GALNTL6: variants seen among roughly 807,000 people sequenced by gnomAD.
GALNTL6 encodes the protein polypeptide N-acetylgalactosaminyltransferase like 6.
A neutral mutation model predicts 73.7 loss-of-function variants in GALNTL6; 46 were observed. The ratio of observed to expected loss-of-function variants is 0.62; its 90% CI spans 0.49 to 0.80. The LOEUF (loss-of-function observed/expected upper bound fraction) is 0.80, where lower values mean the gene tolerates loss of function less well. Ranked by LOEUF, GALNTL6 falls within the 30% of genes least tolerant of loss-of-function variation. The pLI, the probability that GALNTL6 is intolerant of heterozygous loss-of-function variation, is 0.00. For synonymous variants in GALNTL6, 259 were observed against 263.7 expected, an observed-to-expected ratio of 0.98 and a Z score of 0.17; for missense variants, 604 against 755.0, an observed-to-expected ratio of 0.80 and a Z score of 2.34.
chr4:172,662,140 G>T (rs1731409584), intron 5 of GALNTL6, among the ~76,000 whole-genome samples: 1 of 151,914 alleles, frequency 6.6e-6, no homozygotes, highest in Admixed American at 6.6e-5. Context: ...AGAAGCAGCT[G>T]GCTTAAGGGA....
intron 2 of GALNTL6, among the ~76,000 whole-genome samples, chr4:171,977,206 G>C (rs113841074): frequency 0.056 from 8,478 of 152,074 alleles, 607 homozygotes; most frequent in African/African-American, 0.16. Context: ...TTTATGCTGT[G>C]ACTTAAAGAG....
intron 7 of GALNTL6, among the ~76,000 whole-genome samples, chr4:172,866,311 G>A (rs1744660458): frequency 6.6e-6 from 1 of 152,194 alleles, no homozygotes; most frequent in South Asian, 2.1e-4. Flanking sequence ...GAGGTGGGGA[G>A]AAAGAGAGAG....
intron 5 of GALNTL6, among the ~76,000 whole-genome samples, chr4:172,632,053 T>C (rs1739418372): frequency 6.6e-6 from 1 of 152,218 alleles, no homozygotes; most frequent in Non-Finnish European, 1.5e-5. Context: ...TGTGACTTTG[T>C]TCCTCTTTTG....
intron 2 of GALNTL6, among the ~76,000 whole-genome samples, chr4:171,995,861 C>T (rs1041568349): frequency 2.6e-5 from 4 of 152,014 alleles, no homozygotes; most frequent in Non-Finnish European, 5.9e-5. Flanking sequence ...ATGTGCTACA[C>T]ATTACAGTTT....
intron 3 of GALNTL6, among the ~76,000 whole-genome samples, chr4:172,255,486 C>T (rs866942931): frequency 6.6e-6 from 1 of 151,392 alleles, no homozygotes; most frequent in Non-Finnish European, 1.5e-5. Context: ...ACAAGTTGGG[C>T]CTTTACTCCA....
At chr4:171,849,028 G>C (rs1209475696) in intron 2 of GALNTL6, among the ~76,000 whole-genome samples, 1 of 152,072 alleles carries the variant, frequency 6.6e-6, no homozygotes, top group Non-Finnish European at 1.5e-5. Flanking sequence ...ACCATCGCCT[G>C]AATAGTGTAC....
At chr4:172,595,846 T>A (rs1208677281) in intron 5 of GALNTL6, among the ~76,000 whole-genome samples, 1 of 152,092 alleles carries the variant, frequency 6.6e-6, no homozygotes, top group African/African-American at 2.4e-5. Flanking sequence ...CCCTGACAAA[T>A]TGGAACAATT....
chr4:171,866,015 G>A (rs556054956), intron 2 of GALNTL6, among the ~76,000 whole-genome samples: 1 of 152,066 alleles, frequency 6.6e-6, no homozygotes, highest in African/African-American at 2.4e-5. Flanking sequence ...ATATAAAAAA[G>A]GCTGTTTTCC....
chr4:172,095,007 C>T (rs1292743064), intron 2 of GALNTL6, among the ~76,000 whole-genome samples: 1 of 129,878 alleles, frequency 7.7e-6, no homozygotes, highest in African/African-American at 2.8e-5. Flanking sequence ...TTTATGTTTT[C>T]AAAAAAAAAA....
At chr4:172,955,993 C>T (rs1749729848) in intron 10 of GALNTL6, among the ~76,000 whole-genome samples, 1 of 152,138 alleles carries the variant, frequency 6.6e-6, no homozygotes, top group African/African-American at 2.4e-5. Context: ...AAGGCAGGAA[C>T]CAGCCATCTG....
chr4:172,907,118 A>G (rs1349342691), intron 8 of GALNTL6, among the ~76,000 whole-genome samples: 11 of 151,950 alleles, frequency 7.2e-5, no homozygotes, highest in African/African-American at 2.4e-4. Context: ...GGAGAAAATC[A>G]TTAACAATCT....
chr4:172,969,074 C>A (rs1162992043), intron 10 of GALNTL6, among the ~76,000 whole-genome samples: 3 of 151,992 alleles, frequency 2.0e-5, no homozygotes, highest in African/African-American at 7.2e-5. Context: ...CTTGAAAGAA[C>A]CATACAAATC....
intron 2 of GALNTL6, among the ~76,000 whole-genome samples, chr4:172,179,155 A>G (rs1311587318): frequency 2.0e-5 from 3 of 146,812 alleles, no homozygotes; most frequent in Non-Finnish European, 4.5e-5. Flanking sequence ...ATTTATAGTC[A>G]TTTGGGTATA....
intron 5 of GALNTL6, among the ~76,000 whole-genome samples, chr4:172,655,682 A>G (rs866916649): frequency 7.2e-5 from 11 of 152,208 alleles, no homozygotes; most frequent in Admixed American, 3.3e-4. Context: ...CAAATTTTCT[A>G]CATTATAATT....
intron 5 of GALNTL6, among the ~76,000 whole-genome samples, chr4:172,802,947 C>CT (rs1317473901): frequency 2.0e-5 from 3 of 152,174 alleles, no homozygotes; most frequent in Admixed American, 6.5e-5. Flanking sequence ...AAGTTAATGA[C>CT]TTACGTTTTT....
chr4:172,439,093 C>A (rs550997360), intron 5 of GALNTL6, among the ~76,000 whole-genome samples: 3 of 151,838 alleles, frequency 2.0e-5, no homozygotes, highest in African/African-American at 7.2e-5. Context: ...ATTATACTAA[C>A]ATGCTTTTAT....
intron 7 of GALNTL6, among the ~76,000 whole-genome samples, chr4:172,872,864 T>A (rs954805375): frequency 2.6e-4 from 39 of 152,316 alleles, no homozygotes; most frequent in African/African-American, 9.4e-4. Context: ...GCCAATTTTA[T>A]CTCTTAAATA....
At chr4:172,060,554 T>A (rs1731168550) in intron 2 of GALNTL6, among the ~76,000 whole-genome samples, 1 of 152,096 alleles carries the variant, frequency 6.6e-6, no homozygotes, top group Non-Finnish European at 1.5e-5. Context: ...AATAAAACAT[T>A]TTATTTCTCT....
At chr4:172,830,240 T>C (rs1742550259) in intron 7 of GALNTL6, among the ~76,000 whole-genome samples, 1 of 152,166 alleles carries the variant, frequency 6.6e-6, no homozygotes, top group African/African-American at 2.4e-5. Context: ...AGGGCCAAAC[T>C]TTACAGTTTG....
Sources: allele counts gnomAD v4.1 joint callset (sites outside exome capture counted in the v4.1 genomes callset), GRCh38; gene constraint gnomAD v4.1.1; transcripts MANE v1.5; gene names NCBI Gene and HGNC (gene_info 2026-07-23, HGNC 2026-07-21).